The following TECTB variants were observed in gnomAD, a reference collection of about 807,000 sequenced individuals.
TECTB encodes the protein beta-tectorin.
A neutral mutation model predicts 43.3 loss-of-function variants in TECTB; 45 were observed. The ratio of observed to expected loss-of-function variants is 1.04; its 90% CI spans 0.82 to 1.33. TECTB has a LOEUF of 1.33. TECTB is among the 40% of genes most tolerant of loss of function. TECTB has a pLI of 0.00. For missense variants in TECTB, 399 were observed against 404.7 expected (o/e 0.99, Z 0.12); for synonymous variants, 169 against 156.7 (o/e 1.08, Z -0.59).
chr10:112,292,976 C>T (rs1374239550), intron 5 of TECTB, among the ~76,000 whole-genome samples: 1 of 152,214 alleles, frequency 6.6e-6, no homozygotes, highest in African/African-American at 2.4e-5. Flanking sequence ...GTCACATCCT[C>T]AGTGAGGCCT....
intron 5 of TECTB, among the ~76,000 whole-genome samples, chr10:112,292,792 C>T (rs1310183374): frequency 6.6e-6 from 1 of 152,134 alleles, no homozygotes; most frequent in Non-Finnish European, 1.5e-5. Context: ...ACCTCACCCC[C>T]ACCCCGCTCC....
intron 9 of TECTB, among the ~76,000 whole-genome samples, chr10:112,300,814 A>G (rs1244485096): frequency 1.3e-5 from 2 of 152,232 alleles, no homozygotes; most frequent in Admixed American, 1.3e-4. Flanking sequence ...TCTGGTCCCA[A>G]GCATTTTGGA....
At chr10:112,299,141 G>A (rs561742871) in intron 8 of TECTB, among the ~76,000 whole-genome samples, 18 of 152,182 alleles carry the variant, frequency 1.2e-4, no homozygotes, top group Admixed American at 2.6e-4. Flanking sequence ...GAATACAATT[G>A]CAAGTGTCCA....
rs990184488 is a variant in TECTB, at chr10:112,303,752, G to C, written c.*440G>C. On this transcript the variant is annotated 3_prime_UTR_variant, in exon 11 of 11. Transcript: ENST00000646139. ...TGCCAAAAAGGAGCTTTGTCATTGA[G>C]GCAGTGTCATTCTACTTAAGGACCA... The C allele has an allele frequency of 4.2e-5, 7 of 166,166 alleles. No individual in the cohort carries two copies. The highest frequency in any genetic ancestry group is 1.7e-4 in the African/African-American group (7 of 42,010). The allele number at this position is 166,166 out of a possible 1,614,324, so 10.3% of individuals were successfully genotyped here. A position where few individuals can be genotyped will look rare whatever the true frequency, so the allele number is the denominator to read the frequency against.
rs1157040979 is a variant in TECTB, at chr10:112,293,670, C to G, written c.484-68C>G. The G allele has an allele frequency of 1.2e-5, 17 of 1,423,156 alleles. No individual in the cohort carries two copies. In the South Asian group the frequency reaches 1.6e-4, roughly 14 times the overall value. 88.2% of individuals were successfully genotyped at this position (1,423,156 alleles called of 1,614,324 possible). ...TCATCCCCACCCCATCCCAATTCATCTGCTCCTGGTAGACCTAGCTGCTCA... is the reference window on the plus strand; with the variant it reads ...TCATCCCCACCCCATCCCAATTCATGTGCTCCTGGTAGACCTAGCTGCTCA... On this transcript the variant is annotated intron_variant, in intron 5 of 10. Transcript: ENST00000646139.
chr10:112,293,803 T>A lies in TECTB; in HGVS notation c.549T>A (p.Asp183Glu). The A allele has an allele frequency of 2.5e-6, 4 of 1,614,172 alleles. No individual in the cohort carries two copies. Among genetic ancestry groups the A allele is most frequent in the Non-Finnish European group, 3.4e-6 (4 of 1,180,022 alleles). Residue 183 changes from aspartate to glutamate, a missense_variant, in exon 6 of 11, where the codon GAT (aspartate) becomes GAA (glutamate). Transcript: ENST00000646139. ...FVLEASEIGS[D>E]LFAGVEAKGL... ...TGGAGGCATCCGAAATCGGTTCAGA[T>A]CTGTTTGCAGGAGTGGAAGCCAAAG...
At chr10:112,286,646 G>A (rs529321108) in intron 5 of TECTB, among the ~76,000 whole-genome samples, 10 of 152,302 alleles carry the variant, frequency 6.6e-5, no homozygotes, top group South Asian at 2.1e-4. Flanking sequence ...CTGGCCAGGC[G>A]TGGTAGTTCA....
intron 9 of TECTB, among the ~76,000 whole-genome samples, chr10:112,300,800 C>T (rs910556175): frequency 6.6e-6 from 1 of 152,180 alleles, no homozygotes; most frequent in East Asian, 1.9e-4. Context: ...AAATCTGAAA[C>T]ACTTCTGGTC....
rs1160099556 is a variant in TECTB, at chr10:112,303,050, T to A, written c.941-213T>A. On this transcript the variant is annotated intron_variant, in intron 10 of 10. Transcript: ENST00000646139. Reference sequence around the variant, plus strand: ...AGAGTACCATGCACCATCACTGATTTCTATTTGTCAGAGGTCCACAACCTA... The same window carrying A: ...AGAGTACCATGCACCATCACTGATTACTATTTGTCAGAGGTCCACAACCTA... 5 of 573,428 alleles carry A rather than the reference T, an allele frequency of 8.7e-6. No individual in the cohort carries two copies. The African/African-American group carries it at 9.3e-5, about 11-fold the overall frequency. The allele number at this position is 573,428 out of a possible 1,614,324, so 35.5% of individuals were successfully genotyped here. A position where few individuals can be genotyped will look rare whatever the true frequency, so the allele number is the denominator to read the frequency against.
chr10:112,296,373 C>T (rs1221957517), intron 7 of TECTB, among the ~76,000 whole-genome samples: 1 of 152,164 alleles, frequency 6.6e-6, no homozygotes, highest in Non-Finnish European at 1.5e-5. Context: ...AGTGTGGGTG[C>T]TGCAGCTGGT....
At chr10:112,301,363 C>T (rs976074116) in intron 9 of TECTB, among the ~76,000 whole-genome samples, 13 of 150,428 alleles carry the variant, frequency 8.6e-5, no homozygotes, top group Admixed American at 4.7e-4. Flanking sequence ...GCAGAGATCA[C>T]GCTACTACAC....
At chr10:112,294,810 T>C (rs1165264130) in intron 7 of TECTB, among the ~76,000 whole-genome samples, 1 of 152,192 alleles carries the variant, frequency 6.6e-6, no homozygotes, top group Non-Finnish European at 1.5e-5. Flanking sequence ...AGGGAGATGC[T>C]TCTGCAGGAA....
At position 112,283,433 on chromosome 10, in the gene TECTB, A is replaced by G. The variant is rs763481119; in HGVS notation, c.-151A>G. Reference sequence around the variant, plus strand: ...GGAGCATCCAGCAGCCAGCCTCTACAGTCCGGAGAGGATGAAACAGTCGGG... The same window carrying G: ...GGAGCATCCAGCAGCCAGCCTCTACGGTCCGGAGAGGATGAAACAGTCGGG... On this transcript the variant is annotated 5_prime_UTR_variant, in exon 1 of 11. Transcript: ENST00000646139. 1.6e-5 allele frequency: 5 copies of G among 318,644 alleles called. No homozygotes were observed. Among genetic ancestry groups the G allele is most frequent in the Non-Finnish European group, 2.3e-5 (4 of 174,664 alleles). The allele number at this position is 318,644 out of a possible 1,614,324, so 19.7% of individuals were successfully genotyped here.
chr10:112,283,783 G>A lies in TECTB; in HGVS notation c.49G>A (p.Ala17Thr), dbSNP rs1460136958. 1.2e-5 allele frequency: 20 copies of A among 1,613,914 alleles called. No homozygotes were observed. The highest frequency in any genetic ancestry group is 1.7e-5 in the Non-Finnish European group (20 of 1,179,892). Residue 17 changes from alanine (A) to threonine (T), a missense_variant, in exon 2 of 11, where the codon GCA becomes ACA. Physicochemically the swap from Ala to Thr is moderately conservative, Grantham distance 58 (BLOSUM62 0). Coordinates refer to ENST00000646139, the MANE Select transcript of TECTB (RefSeq NM_058222.3). ...VLLAIFAEAS[A>T]KSCAPNKADV... Reference sequence around the variant, plus strand: ...GTTGGCCATCTTTGCAGAAGCCTCTGCAAAATCGTGTGCTCCAAATAAAGC... The same window carrying A: ...GTTGGCCATCTTTGCAGAAGCCTCTACAAAATCGTGTGCTCCAAATAAAGC...
chr10:112,283,584 A>G (rs1263767856), intron 1 of TECTB, 64 bp from the exon 2 acceptor site: 2 of 685,696 alleles, frequency 2.9e-6, no homozygotes, highest in Non-Finnish European at 4.8e-6. Flanking sequence ...AAATTTCCCC[A>G]AGACTGTATG....
intron 5 of TECTB, among the ~76,000 whole-genome samples, chr10:112,292,708 C>T (rs891105021): frequency 3.3e-5 from 5 of 152,112 alleles, no homozygotes; most frequent in East Asian, 1.9e-4. Flanking sequence ...CCTCCCAAAG[C>T]GCTGAGACTA....
chr10:112,294,820 A>G (rs908589458), intron 7 of TECTB, among the ~76,000 whole-genome samples: 3 of 152,200 alleles, frequency 2.0e-5, no homozygotes, highest in Non-Finnish European at 4.4e-5. Context: ...TTCTGCAGGA[A>G]TGAGAAAATG....
chr10:112,303,954 T>C lies in TECTB; in HGVS notation c.*642T>C, dbSNP rs1848632645. 6.6e-6 allele frequency: 1 copy of C among 152,238 alleles called. No individual in the cohort carries two copies. Among genetic ancestry groups the C allele is most frequent in the Non-Finnish European group, 1.5e-5 (1 of 68,044 alleles). 9.4% of individuals were successfully genotyped at this position (152,238 alleles called of 1,614,324 possible). A position where few individuals can be genotyped will look rare whatever the true frequency, so the allele number is the denominator to read the frequency against. On this transcript the variant is annotated 3_prime_UTR_variant, in exon 11 of 11. Coordinates refer to ENST00000646139, the MANE Select transcript of TECTB (RefSeq NM_058222.3). Reference sequence around the variant, plus strand: ...TTTATTATACCATTTGTTAAATATATAAACATGATATAGGTAGAAACTCCT... The same window carrying C: ...TTTATTATACCATTTGTTAAATATACAAACATGATATAGGTAGAAACTCCT...
At chr10:112,290,437 T>C (rs1273001404) in intron 5 of TECTB, among the ~76,000 whole-genome samples, 2 of 152,194 alleles carry the variant, frequency 1.3e-5, no homozygotes, top group Admixed American at 6.5e-5. Context: ...GGTGAGAATA[T>C]AGAGAACTCA....
Sources: gnomAD v4.1 joint callset for allele counts (sites outside exome capture counted in the v4.1 genomes callset) on GRCh38, gnomAD v4.1.1 for gene constraint, MANE v1.5 for transcripts, NCBI Gene and HGNC (gene_info 2026-07-23, HGNC 2026-07-21) for gene names.